The following TAF12 variants were observed in gnomAD, a reference collection of about 807,000 sequenced individuals.
TAF12 encodes the protein transcription initiation factor TFIID subunit 12.
Under a neutral mutation model 20.8 loss-of-function variants are expected in TAF12, and 3 were observed. The ratio of observed to expected loss-of-function variants is 0.14; its 90% CI spans 0.07 to 0.37. TAF12 has a LOEUF of 0.37. Among genes scored for constraint, TAF12 ranks in the 10% least tolerant of loss-of-function variants. The pLI, the probability that TAF12 is intolerant of heterozygous loss-of-function variation, is 1.00. For missense variants in TAF12, 131 were observed against 197.9 expected (o/e 0.66, Z 2.03); for synonymous variants, 69 against 70.2 (o/e 0.98, Z 0.09).
intron 1 of TAF12, among the ~76,000 whole-genome samples, chr1:28,630,777 G>A (rs1274945180): frequency 6.6e-6 from 1 of 152,038 alleles, no homozygotes; most frequent in Non-Finnish European, 1.5e-5. Context: ...CAGGCGTGGT[G>A]GCTCACACCT....
chr1:28,620,776 T>C (rs1667197272), intron 2 of TAF12, among the ~76,000 whole-genome samples: 1 of 152,052 alleles, frequency 6.6e-6, no homozygotes, highest in Non-Finnish European at 1.5e-5. Flanking sequence ...ATTATACCAT[T>C]GCACTCTAGC....
chr1:28,603,678 C>CAT, intron 5 of TAF12, 104 bp from the exon 6 acceptor site: 8 of 1,214,976 alleles, frequency 6.6e-6, no homozygotes, highest in African/African-American at 1.5e-5. Context: ...CACTGTAGGC[C>CAT]GCAGCCCTCA....
At chr1:28,634,958 G>T (rs562193621) in intron 1 of TAF12, among the ~76,000 whole-genome samples, 5 of 150,156 alleles carry the variant, frequency 3.3e-5, no homozygotes, top group Admixed American at 2.7e-4. Flanking sequence ...CAGGCATGGT[G>T]GCTCATGCCT....
intron 3 of TAF12, among the ~76,000 whole-genome samples, chr1:28,615,636 G>C (rs1424928409): frequency 4.2e-5 from 5 of 118,478 alleles, no homozygotes; most frequent in African/African-American, 1.6e-4. Context: ...CCAAGATCAT[G>C]CCGCTGCACT....
rs184303226 is a variant in TAF12 at position 28,605,566 on chromosome 1, C to T, written c.362-106G>A. 6.6e-4 allele frequency: 662 copies of T among 998,970 alleles called. 1 individual carries two copies. The African/African-American group carries it at 9.8e-3, about 15-fold the overall frequency. The allele number at this position is 998,970 out of a possible 1,614,324, so 61.9% of individuals were successfully genotyped here. On this transcript the variant is annotated intron_variant, in intron 4 of 5. Transcript: ENST00000373824. ...GAGGATGAATGTGGGCATCTGGCTA[C>T]TAACTCCACAAAGGGATTCTATTAC...
upstream of TAF12, among the ~76,000 whole-genome samples, chr1:28,646,696 AT>A (rs758006645): frequency 0.18 from 22,579 of 124,850 alleles, 1,848 homozygotes; most frequent in Middle Eastern, 0.27. Context: ...CACTCGGCCA[AT>A]TTTTTTTTTT....
intron 1 of TAF12, among the ~76,000 whole-genome samples, chr1:28,630,036 CT>C (rs1371459543): frequency 1.3e-4 from 20 of 152,156 alleles, no homozygotes; most frequent in Non-Finnish European, 2.9e-5. Context: ...ACCAGCTGGA[CT>C]CAAGCTATCC....
chr1:28,606,640 A>G (rs1212652226), intron 4 of TAF12, among the ~76,000 whole-genome samples: 1 of 152,236 alleles, frequency 6.6e-6, no homozygotes, highest in East Asian at 1.9e-4. Context: ...GTGAATGCTG[A>G]GACCTAAGGT....
intron 2 of TAF12, among the ~76,000 whole-genome samples, chr1:28,620,087 T>G (rs1470696018): frequency 1.3e-5 from 2 of 152,114 alleles, no homozygotes; most frequent in African/African-American, 4.8e-5. Flanking sequence ...ATTTCTGAAG[T>G]TTCTGTGATG....
intron 1 of TAF12, among the ~76,000 whole-genome samples, chr1:28,635,210 A>G (rs967360722): frequency 4.8e-5 from 7 of 146,980 alleles, no homozygotes; most frequent in Non-Finnish European, 9.0e-5. Flanking sequence ...AGCCTGGGCG[A>G]CAGAGCAAGA....
At chr1:28,610,177 C>A (rs1161208469) in intron 4 of TAF12, among the ~76,000 whole-genome samples, 1 of 151,928 alleles carries the variant, frequency 6.6e-6, no homozygotes, top group Non-Finnish European at 1.5e-5. Context: ...AGGGTTTCAC[C>A]ATCTTGGCCA....
chr1:28,615,489 AC>A (rs1341034743), intron 3 of TAF12, among the ~76,000 whole-genome samples: 1 of 151,720 alleles, frequency 6.6e-6, no homozygotes, highest in East Asian at 1.9e-4. Context: ...GACTAGCTTG[AC>A]CAATATGGTG....
At chr1:28,645,509 G>T (rs966682559), upstream of TAF12, among the ~76,000 whole-genome samples, 1 of 151,248 alleles carries the variant, frequency 6.6e-6, no homozygotes. Flanking sequence ...TTAGCTGGGC[G>T]TGGTGGTGCA....
chr1:28,643,015 T>C lies in TAF12; in HGVS notation c.-108A>G, dbSNP rs970534309. The stretch of plus-strand genomic sequence containing the variant: ...ACAGGCAGCAGCGTCTATCTCCCCA[T>C]GATATGCAGAGACTGCCCCAGTGAA... On this transcript the variant is annotated 5_prime_UTR_variant, in exon 1 of 6. It removes an upstream start codon present in the reference 5' UTR. Coordinates refer to ENST00000373824, the MANE Select transcript of TAF12 (RefSeq NM_005644.4). The C allele has an allele frequency of 6.1e-6, 6 of 985,796 alleles. No homozygotes were observed. Among genetic ancestry groups the C allele is most frequent in the Non-Finnish European group, 7.2e-6 (6 of 830,016 alleles). The allele number at this position is 985,796 out of a possible 1,614,324, so 61.1% of individuals were successfully genotyped here.
chr1:28,630,225 C>T (rs532010288), intron 1 of TAF12, among the ~76,000 whole-genome samples: 2 of 152,268 alleles, frequency 1.3e-5, no homozygotes, highest in East Asian at 3.9e-4. Context: ...GGATTATAGG[C>T]ACAAGCCTCC....
chr1:28,642,184 A>C (rs1004658522), intron 1 of TAF12, among the ~76,000 whole-genome samples: 5 of 152,190 alleles, frequency 3.3e-5, no homozygotes, highest in Non-Finnish European at 7.3e-5. Context: ...AGATGTTTGC[A>C]TATGGGCTTC....
upstream of TAF12, among the ~76,000 whole-genome samples, chr1:28,644,167 C>G (rs984485498): frequency 6.6e-6 from 1 of 152,170 alleles, no homozygotes; most frequent in Admixed American, 6.6e-5. Flanking sequence ...GAAGAACCCA[C>G]AAACACACCA....
Position 28,622,009 on chromosome 1 carries a change from T to C in TAF12, c.73A>G (p.Thr25Ala), listed in dbSNP as rs1312407716. 1.2e-6 allele frequency: 2 copies of C among 1,613,768 alleles called. No individual in the cohort carries two copies. Among genetic ancestry groups the C allele is most frequent in the African/African-American group, 2.7e-5 (2 of 74,910 alleles). Residue 25 changes from threonine (T) to alanine (A), a missense_variant, in exon 2 of 6, where the codon ACC becomes GCC. This residue lies in a region of TAF12 where 63 missense variants were observed against 72.1 expected (regional missense o/e 0.87). Transcript: ENST00000373824. Reference protein sequence around the residue: ...FSSIKPEPASTPPQGSMANST... With the variant: ...FSSIKPEPASAPPQGSMANST... The stretch of plus-strand genomic sequence containing the variant: ...TTGGCCATGGAGCCTTGTGGAGGGG[T>C]GCTGGCTGGTTCCGGTTTTATGGAT...
chr1:28,622,276 T>C, intron 1 of TAF12, 111 bp from the exon 2 acceptor site: 6 of 1,115,666 alleles, frequency 5.4e-6, no homozygotes, highest in Non-Finnish European at 6.8e-6. Context: ...TCCCAGCACT[T>C]TGGGAGGCCC....
Sources: gnomAD v4.1 joint callset for allele counts (sites outside exome capture counted in the v4.1 genomes callset) on GRCh38, gnomAD v4.1.1 for gene constraint, gnomAD v4.1.1 regional missense constraint, MANE v1.5 for transcripts, NCBI Gene and HGNC (gene_info 2026-07-23, HGNC 2026-07-21) for gene names.